CAST: variants seen among roughly 807,000 people sequenced by gnomAD.
The protein encoded by CAST is MIR583 host.
Under a neutral mutation model 119.6 loss-of-function variants are expected in CAST, and 76 were observed. The observed-to-expected ratio is 0.64, with a 90% CI of 0.53 to 0.77. The LOEUF (loss-of-function observed/expected upper bound fraction) is 0.77. Among genes scored for constraint, CAST ranks in the 30% least tolerant of loss-of-function variants. The pLI is 0.00. For synonymous variants in CAST, 319 were observed against 331.6 expected (o/e 0.96, Z 0.41); for missense variants, 953 against 946.5 (o/e 1.01, Z -0.09).
chr5:96,183,492 G>T, the CAST span, among the ~76,000 whole-genome samples: 43 of 152,112 alleles, frequency 2.8e-4, no homozygotes, highest in Admixed American at 1.8e-3. Context: ...AAAGCTATTT[G>T]GAATTTTTTT....
At chr5:96,424,144 A>G in the CAST span, among the ~76,000 whole-genome samples, 1 of 152,348 alleles carries the variant, frequency 6.6e-6, no homozygotes, top group Non-Finnish European at 1.5e-5. Flanking sequence ...AGCATGTGAG[A>G]CAGAGACAGT....
chr5:95,967,909 G>C, the CAST span, among the ~76,000 whole-genome samples: 1 of 152,152 alleles, frequency 6.6e-6, no homozygotes, highest in East Asian at 1.9e-4. Context: ...TGAATTTTCT[G>C]TGTAACTCTG....
At chr5:96,551,158 A>C (rs1746118485) in intron 1 of CAST, among the ~76,000 whole-genome samples, 1 of 152,264 alleles carries the variant, frequency 6.6e-6, no homozygotes, top group Non-Finnish European at 1.5e-5. Context: ...TGTTAAGGGC[A>C]GCCAGAGAGA....
At chr5:96,498,266 T>C in the CAST span, among the ~76,000 whole-genome samples, 3 of 152,340 alleles carry the variant, frequency 2.0e-5, no homozygotes, top group African/African-American at 7.2e-5. Context: ...TTACTGTAGC[T>C]GTGTAGTATA....
At chr5:96,298,879 A>AGTGTGTGTGTGTGTGTGT in the CAST span, among the ~76,000 whole-genome samples, 6 of 149,588 alleles carry the variant, frequency 4.0e-5, no homozygotes, top group African/African-American at 1.5e-4. Flanking sequence ...AAATTAGGAG[A>AGTGTGTGTGTGTGTGTGT]GTGTGTGTGT....
chr5:96,728,974 T>A (rs1240319201), intron 6 of CAST, 179 bp from the exon 7 acceptor site: 2 of 575,938 alleles, frequency 3.5e-6, no homozygotes. Context: ...ACAGGGTTAC[T>A]ATTGACCTGA....
At chr5:96,244,107 T>C in the CAST span, among the ~76,000 whole-genome samples, 1 of 152,224 alleles carries the variant, frequency 6.6e-6, no homozygotes, top group Non-Finnish European at 1.5e-5. Flanking sequence ...CCTTAGTTCC[T>C]CTACCTTGAT....
At chr5:96,341,329 C>T in the CAST span, among the ~76,000 whole-genome samples, 1 of 147,978 alleles carries the variant, frequency 6.8e-6, no homozygotes, top group African/African-American at 2.5e-5. Flanking sequence ...CTCCCATCCC[C>T]CCACCCTCCA....
chr5:96,433,785 C>G, the CAST span, among the ~76,000 whole-genome samples: 3 of 152,222 alleles, frequency 2.0e-5, no homozygotes, highest in African/African-American at 7.2e-5. Flanking sequence ...TATGTTAAAG[C>G]AATACTATTA....
At chr5:96,238,366 C>CTTCTTCTTCTTCTTCTTCTTCATCTT in the CAST span, among the ~76,000 whole-genome samples, 5 of 23,254 alleles carry the variant, frequency 2.2e-4, no homozygotes, top group Admixed American at 5.2e-4. Context: ...TTCTTCTTCT[C>CTTCTTCTTCTTCTTCTTCTTCATCTT]CTTCTTCTCC....
chr5:96,239,255 A>G, the CAST span, among the ~76,000 whole-genome samples: 2 of 152,166 alleles, frequency 1.3e-5, no homozygotes, highest in South Asian at 4.1e-4. Flanking sequence ...TCATTTAAAT[A>G]GTACCTGGTA....
chr5:96,560,209 G>C (rs1324421267), intron 1 of CAST, among the ~76,000 whole-genome samples: 2 of 151,964 alleles, frequency 1.3e-5, no homozygotes, highest in Non-Finnish European at 1.5e-5. Flanking sequence ...ATTAATTCAA[G>C]ATGGATTAAA....
chr5:96,354,621 T>C, the CAST span, among the ~76,000 whole-genome samples: 7 of 151,404 alleles, frequency 4.6e-5, no homozygotes, highest in South Asian at 6.2e-4. Flanking sequence ...AACATGTTTA[T>C]ATATGTATCT....
the CAST span, among the ~76,000 whole-genome samples, chr5:96,282,716 G>T: frequency 1.3e-5 from 2 of 152,012 alleles, no homozygotes; most frequent in African/African-American, 4.8e-5. Context: ...GTCATTGTGG[G>T]GTTATCATAA....
rs115661827 is a variant in CAST, at chr5:96,593,231, T to C, written c.60+63351T>C. 8.2e-3 allele frequency among the ~76,000 whole-genome samples: 1,248 copies of C among 152,362 alleles called. 30 individuals are homozygous for C. Among genetic ancestry groups the C allele is most frequent in the African/African-American group, 0.029 (1,212 of 41,582 alleles). Reference sequence around the variant, plus strand: ...CACCCTACGAACATGCTCTTCTCCTTTGTTCACTTGCAAAATCTTTCTTAT... The same window carrying C: ...CACCCTACGAACATGCTCTTCTCCTCTGTTCACTTGCAAAATCTTTCTTAT... On this transcript the variant is annotated intron_variant, in intron 1 of 11. Coordinates refer to the CAST transcript ENST00000505143.
chr5:96,703,030 C>T (rs1285108103), intron 3 of CAST: 2 of 774,240 alleles, frequency 2.6e-6, no homozygotes, highest in African/African-American at 1.9e-5. Context: ...AGCGGACTCC[C>T]CAGGCTCGGG....
chr5:96,281,653 T>C, the CAST span, among the ~76,000 whole-genome samples: 23 of 152,118 alleles, frequency 1.5e-4, no homozygotes, highest in Non-Finnish European at 3.1e-4. Context: ...ATGATGTCCA[T>C]GTCCCAAGCA....
intron 16 of CAST, chr5:96,743,488 C>G: frequency 8.0e-7 from 1 of 1,248,626 alleles, no homozygotes. Flanking sequence ...CCTCCATCAG[C>G]TCAGGCTGGG....
rs145655211 is a variant in CAST, at chr5:96,706,219, G to C, written c.210+10312G>C. The stretch of plus-strand genomic sequence containing the variant: ...TTTTATTCTCTAGGATTTACAAGTA[G>C]AGTTTTTGAAGTTTAATATCTCTTT... On this transcript the variant is annotated intron_variant, in intron 3 of 31. Coordinates refer to ENST00000675179, the MANE Select transcript of CAST (RefSeq NM_001750.7). Among the ~76,000 whole-genome samples, 402 of 152,306 alleles carry C rather than the reference G, an allele frequency of 2.6e-3. 3 individuals carry two copies. Among genetic ancestry groups the C allele is most frequent in the African/African-American group, 9.4e-3 (391 of 41,560 alleles).
Sources: gnomAD v4.1 joint callset for allele counts (sites outside exome capture counted in the v4.1 genomes callset) on GRCh38, gnomAD v4.1.1 for gene constraint, MANE v1.5 for transcripts, NCBI Gene and HGNC (gene_info 2026-07-23, HGNC 2026-07-21) for gene names.